GRIN3A: variants seen among roughly 807,000 people sequenced by gnomAD.
GRIN3A encodes glutamate ionotropic receptor NMDA type subunit 3A.
GRIN3A carries 47 observed loss-of-function variants against 92.4 expected under a neutral mutation model. That is an observed-to-expected ratio of 0.51 (90% CI 0.40 to 0.65). GRIN3A has a LOEUF of 0.65. Ranked by LOEUF, GRIN3A falls within the 30% of genes least tolerant of loss-of-function variation. GRIN3A has a pLI of 0.00. For synonymous variants in GRIN3A, 527 were observed against 540.6 expected, an observed-to-expected ratio of 0.97 and a Z score of 0.35; for missense variants, 1,324 against 1,393.1, an observed-to-expected ratio of 0.95 and a Z score of 0.79.
Position 101,686,727 on chromosome 9 carries a change from A to G in GRIN3A, c.1173T>C (p.Asp391=), listed in dbSNP as rs776830751. Residue 391 remains aspartate, a synonymous_variant, in exon 2 of 9, where the codon GAT becomes GAC. Coordinates refer to ENST00000361820, the MANE Select transcript of GRIN3A (RefSeq NM_133445.3). ...CAGCTCTTGCGACCAGCTCCATAGCATCTTGTACGTAGTGCTCAAAGACAG... is the reference window on the plus strand; with the variant it reads ...CAGCTCTTGCGACCAGCTCCATAGCGTCTTGTACGTAGTGCTCAAAGACAG... The part of the protein sequence containing the change: ...TQSVFEHYVQ[D]AMELVARAVA... 3 of 1,614,212 alleles carry G rather than the reference A, an allele frequency of 1.9e-6. No individual in the cohort carries two copies. Among genetic ancestry groups the G allele is most frequent in the South Asian group, 1.1e-5 (1 of 91,088 alleles).
At chr9:101,646,027 G>C (rs1480805409) in intron 3 of GRIN3A, among the ~76,000 whole-genome samples, 1 of 151,516 alleles carries the variant, frequency 6.6e-6, no homozygotes. Context: ...TTGCCTCTTT[G>C]CTATATTGAT....
rs562630192 is a variant in GRIN3A, at chr9:101,619,074, G to T, written c.2614+4244C>A. On this transcript the variant is annotated intron_variant, in intron 5 of 8. Coordinates refer to ENST00000361820, the MANE Select transcript of GRIN3A (RefSeq NM_133445.3). The stretch of plus-strand genomic sequence containing the variant: ...ACCATGGATAAATCAGCTTTATTAA[G>T]CTAAGAGTGGTGGAAATATATTTTA... 2.4e-4 allele frequency among the ~76,000 whole-genome samples: 37 copies of T among 152,280 alleles called. 1 individual carries two copies. The highest frequency in any genetic ancestry group is 8.9e-4 in the African/African-American group (37 of 41,564).
In GRIN3A at chr9:101,686,726, C is replaced by A. The variant is rs1375105030; in HGVS notation, c.1174G>T (p.Ala392Ser). ...QSVFEHYVQD[A>S]MELVARAVAT... ...ACAGCTCTTGCGACCAGCTCCATAG[C>A]ATCTTGTACGTAGTGCTCAAAGACA... The change falls in exon 2 of 9, where the codon GCT (alanine) becomes TCT (serine). Residue 392 changes from alanine (A) to serine (S), a missense_variant. Transcript: ENST00000361820. 1 of 1,614,218 alleles carries A rather than the reference C, an allele frequency of 6.2e-7. No individual in the cohort carries two copies. The highest frequency in any genetic ancestry group is 1.7e-5 in the Admixed American group (1 of 60,026).
Position 101,686,731 on chromosome 9 carries a change from T to C in GRIN3A, c.1169A>G (p.Gln390Arg), listed in dbSNP as rs762432114. The change falls in exon 2 of 9, where the codon CAA becomes CGA. Residue 390 changes from glutamine (Q) to arginine (R), a missense_variant. Physicochemically the swap from Gln to Arg is conservative, Grantham distance 43 (BLOSUM62 1). Coordinates refer to ENST00000361820, the MANE Select transcript of GRIN3A (RefSeq NM_133445.3). Reference sequence around the variant, plus strand: ...TCTTGCGACCAGCTCCATAGCATCTTGTACGTAGTGCTCAAAGACAGACTG... The same window carrying C: ...TCTTGCGACCAGCTCCATAGCATCTCGTACGTAGTGCTCAAAGACAGACTG... ...TTQSVFEHYVQDAMELVARAV... is the reference protein window; with the variant it reads ...TTQSVFEHYVRDAMELVARAV... The C allele has an allele frequency of 6.2e-7, 1 of 1,614,202 alleles. No homozygotes were observed.
At chr9:101,695,689 A>G (rs190510144) in intron 1 of GRIN3A, among the ~76,000 whole-genome samples, 77 of 152,252 alleles carry the variant, frequency 5.1e-4, no homozygotes, top group Non-Finnish European at 5.4e-4. Flanking sequence ...CCTTATTATT[A>G]CTATTGTTAA....
In GRIN3A at chr9:101,681,442, G is replaced by T. The variant is rs1300130498; in HGVS notation, c.1304+5154C>A. ...TAGCTTGGCATACAAACTCTGTGTGGTATGTTATCAAGTTGACTACTTTTC... is the reference window on the plus strand; with the variant it reads ...TAGCTTGGCATACAAACTCTGTGTGTTATGTTATCAAGTTGACTACTTTTC... On this transcript the variant is annotated intron_variant, in intron 2 of 8. Transcript: ENST00000361820. Among the ~76,000 whole-genome samples, 7 of 152,254 alleles carry T rather than the reference G, an allele frequency of 4.6e-5. No homozygotes were observed. The East Asian group carries it at 1.4e-3, about 29-fold the overall frequency.
chr9:101,665,679 A>C (rs920670465), intron 3 of GRIN3A, among the ~76,000 whole-genome samples: 1 of 151,960 alleles, frequency 6.6e-6, no homozygotes, highest in Non-Finnish European at 1.5e-5. Context: ...CAGAAAAACA[A>C]ATGTCCCAAA....
At chr9:101,688,355 A>G (rs1829564888) in intron 1 of GRIN3A, among the ~76,000 whole-genome samples, 1 of 152,202 alleles carries the variant, frequency 6.6e-6, no homozygotes. Context: ...GGTTTACAGG[A>G]GGAAAACTAT....
chr9:101,610,626 A>G (rs547159086), intron 6 of GRIN3A, among the ~76,000 whole-genome samples: 4 of 114,274 alleles, frequency 3.5e-5, no homozygotes, highest in African/African-American at 1.2e-4. Flanking sequence ...TCTATCTATC[A>G]TCTATCTATC....
chr9:101,649,962 G>A (rs1828992600), intron 3 of GRIN3A, among the ~76,000 whole-genome samples: 1 of 152,038 alleles, frequency 6.6e-6, no homozygotes, highest in Non-Finnish European at 1.5e-5. Context: ...TGGATTCAAA[G>A]AGTGGAGCAC....
chr9:101,712,131 C>T (rs941975377), intron 1 of GRIN3A, among the ~76,000 whole-genome samples: 8 of 152,094 alleles, frequency 5.3e-5, no homozygotes, highest in Non-Finnish European at 7.4e-5. Flanking sequence ...TTTAAATTCA[C>T]GATATCATAA....
At chr9:101,714,351 T>C (rs1218776840) in intron 1 of GRIN3A, among the ~76,000 whole-genome samples, 1 of 152,184 alleles carries the variant, frequency 6.6e-6, no homozygotes, top group Non-Finnish European at 1.5e-5. Context: ...TTTCAAATTA[T>C]GCTTTGGAAA....
In GRIN3A at chr9:101,670,980, A is replaced by G. The variant is rs1187552336; in HGVS notation, c.1432T>C (p.Trp478Arg). ...LQHDPMGKPMWTRLGSWQGGK... is the reference protein window; with the variant it reads ...LQHDPMGKPMRTRLGSWQGGK... ...CCCTGCCAGCTGCCCAAGCGGGTCC[A>G]CATTGGCTTTCCCATGGGGTCATGT... The change falls in exon 3 of 9, where the codon TGG (tryptophan) becomes CGG (arginine). Residue 478 changes from tryptophan (W) to arginine (R), a missense_variant. Trp to Arg is a moderately radical substitution (Grantham distance 101). Coordinates refer to ENST00000361820, the MANE Select transcript of GRIN3A (RefSeq NM_133445.3). The G allele has an allele frequency of 1.2e-6, 2 of 1,613,914 alleles. No homozygotes were observed. The highest frequency in any genetic ancestry group is 2.2e-5 in the East Asian group (1 of 44,870).
At chr9:101,635,499 C>T (rs532105261) in intron 3 of GRIN3A, among the ~76,000 whole-genome samples, 6 of 152,328 alleles carry the variant, frequency 3.9e-5, no homozygotes, top group African/African-American at 1.2e-4. Context: ...TAACTAGCTT[C>T]TTGACTCCCA....
intron 6 of GRIN3A, chr9:101,594,816 C>T (rs1445752266): frequency 5.0e-6 from 8 of 1,611,800 alleles, no homozygotes; most frequent in South Asian, 1.1e-5. Context: ...CTCAGAGACC[C>T]TGATTTGTCC....
intron 7 of GRIN3A, 95 bp downstream of exon 7, chr9:101,579,101 C>T (rs1827859492): frequency 7.8e-7 from 1 of 1,277,324 alleles, no homozygotes; most frequent in African/African-American, 1.5e-5. Context: ...ATTGTGGTAA[C>T]ATAACTTAGT....
In GRIN3A at chr9:101,733,482, A is replaced by C. The variant is rs555528416; in HGVS notation, c.699+3799T>G. Among the ~76,000 whole-genome samples the C allele has an allele frequency of 1.3e-4, 20 of 152,372 alleles. No individual in the cohort carries two copies. The South Asian group carries it at 4.1e-3, about 32-fold the overall frequency. On this transcript the variant is annotated intron_variant, in intron 1 of 8. Coordinates refer to ENST00000361820, the MANE Select transcript of GRIN3A (RefSeq NM_133445.3). ...GTTTATCTTTAAGTCAGCAACAATT[A>C]GATGCGACTATCAGCTATTCATCAT...
intron 2 of GRIN3A, among the ~76,000 whole-genome samples, chr9:101,672,485 G>C (rs1250732249): frequency 6.6e-6 from 1 of 152,104 alleles, no homozygotes; most frequent in Non-Finnish European, 1.5e-5. Context: ...AAATTAAATT[G>C]AAATGTAGAG....
At chr9:101,716,801 G>A (rs565418495) in intron 1 of GRIN3A, among the ~76,000 whole-genome samples, 1 of 152,274 alleles carries the variant, frequency 6.6e-6, no homozygotes, top group East Asian at 1.9e-4. Flanking sequence ...CAGGCATGCA[G>A]TTTGTTTTTT....
Sources: allele counts gnomAD v4.1 joint callset (sites outside exome capture counted in the v4.1 genomes callset), GRCh38; gene constraint gnomAD v4.1.1; transcripts MANE v1.5; gene names NCBI Gene and HGNC (gene_info 2026-07-23, HGNC 2026-07-21).